The following MRPS9 variants were observed in gnomAD, a reference collection of about 807,000 sequenced individuals.
The protein encoded by MRPS9 is mitochondrial ribosomal protein S9.
MRPS9 carries 45 observed loss-of-function variants against 59.9 expected under a neutral mutation model. That is an observed-to-expected ratio of 0.75 (90% CI 0.59 to 0.96). MRPS9 has a LOEUF of 0.96. Ranked by LOEUF, MRPS9 falls within the 40% of genes least tolerant of loss-of-function variation. MRPS9 has a pLI of 0.00. For synonymous variants in MRPS9, 171 were observed against 166.8 expected (o/e 1.03, Z -0.19); for missense variants, 473 against 481.1 (o/e 0.98, Z 0.16).
At chr2:105,048,430 C>A (rs1679638345) in intron 1 of MRPS9, among the ~76,000 whole-genome samples, 1 of 151,608 alleles carries the variant, frequency 6.6e-6, no homozygotes, top group Admixed American at 6.6e-5. Flanking sequence ...TGCAGCACAC[C>A]AGCATGGCAC....
intron 2 of MRPS9, among the ~76,000 whole-genome samples, chr2:105,070,912 A>G (rs548785787): frequency 2.0e-4 from 31 of 152,360 alleles, no homozygotes; most frequent in African/African-American, 7.2e-4. Flanking sequence ...CAGGGGTGTC[A>G]TGATGGGTGA....
intron 2 of MRPS9, among the ~76,000 whole-genome samples, chr2:105,060,177 TG>T (rs1679871555): frequency 6.6e-6 from 1 of 152,200 alleles, no homozygotes; most frequent in African/African-American, 2.4e-5. Flanking sequence ...CAACCATTTT[TG>T]TTACTTATTC....
At chr2:105,041,092 T>C (rs1235430708) in intron 1 of MRPS9, among the ~76,000 whole-genome samples, 4 of 152,198 alleles carry the variant, frequency 2.6e-5, no homozygotes, top group Non-Finnish European at 5.9e-5. Context: ...TGATCTGTTT[T>C]GCTATGCTAA....
intron 1 of MRPS9, 132 bp downstream of exon 1, chr2:105,038,359 C>A: frequency 1.6e-6 from 2 of 1,250,810 alleles, no homozygotes; most frequent in Non-Finnish European, 2.2e-6. Flanking sequence ...TAGTGGAGGT[C>A]TGAGGTTGGG....
chr2:105,054,529 G>T (rs1253389341), intron 2 of MRPS9, among the ~76,000 whole-genome samples: 1 of 152,234 alleles, frequency 6.6e-6, no homozygotes, highest in Non-Finnish European at 1.5e-5. Context: ...TTTGCTGCAA[G>T]TGATTGATCG....
intron 2 of MRPS9, among the ~76,000 whole-genome samples, chr2:105,067,968 C>G (rs966238017): frequency 6.6e-6 from 1 of 152,204 alleles, no homozygotes; most frequent in Non-Finnish European, 1.5e-5. Flanking sequence ...GCTGGGACTA[C>G]AGTCATGTGC....
chr2:105,048,422 C>T (rs527861574), intron 1 of MRPS9, among the ~76,000 whole-genome samples: 2 of 151,906 alleles, frequency 1.3e-5, no homozygotes, highest in East Asian at 3.9e-4. Context: ...TTAATGGGTG[C>T]AGCACACCAG....
intron 1 of MRPS9, among the ~76,000 whole-genome samples, chr2:105,047,384 T>C (rs1316168815): frequency 6.6e-6 from 1 of 151,936 alleles, no homozygotes; most frequent in Non-Finnish European, 1.5e-5. Context: ...ATTAATTGGG[T>C]ATTGTTACAT....
At chr2:105,056,912 G>A (rs1422085308) in intron 2 of MRPS9, among the ~76,000 whole-genome samples, 1 of 152,072 alleles carries the variant, frequency 6.6e-6, no homozygotes, top group African/African-American at 2.4e-5. Context: ...TTATCACTTA[G>A]AAGATTTATC....
intron 1 of MRPS9, among the ~76,000 whole-genome samples, chr2:105,039,137 A>G (rs1316189251): frequency 3.3e-5 from 5 of 152,190 alleles, no homozygotes; most frequent in African/African-American, 1.2e-4. Context: ...GTGTGGTGTC[A>G]TGGAAAACAG....
rs531924771 is a variant in MRPS9, at chr2:105,092,700, T to C, written c.820+131T>C. On this transcript the variant is annotated intron_variant, in intron 8 of 10. Coordinates refer to ENST00000258455, the MANE Select transcript of MRPS9 (RefSeq NM_182640.3). Reference sequence around the variant, plus strand: ...TATTTTTGCTACCGTTACTTTGGATTTCCTAATTTTTAAGATTCTGTTGAA... The same window carrying C: ...TATTTTTGCTACCGTTACTTTGGATCTCCTAATTTTTAAGATTCTGTTGAA... 19 of 866,414 alleles carry C rather than the reference T, an allele frequency of 2.2e-5. No homozygotes were observed. The East Asian group carries it at 4.1e-4, about 19-fold the overall frequency. The allele number at this position is 866,414 out of a possible 1,614,324, so 53.7% of individuals were successfully genotyped here.
In MRPS9 at chr2:105,089,972, G is replaced by C. The variant is rs780387128; in HGVS notation, c.628G>C (p.Val210Leu). Reference protein sequence around the residue: ...LIKEELEEMLVEKLSDLDYMQ... With the variant: ...LIKEELEEMLLEKLSDLDYMQ... ...TAAGGAGGAACTAGAAGAAATGTTA[G>C]TGGAAAAACTGTCAGATCTAGATGT... Residue 210 changes from valine to leucine, a missense_variant, in exon 7 of 11, where the codon GTG (valine) becomes CTG (leucine). By Grantham distance (32) the Val-to-Leu change is conservative (BLOSUM62 1). Coordinates refer to ENST00000258455, the MANE Select transcript of MRPS9 (RefSeq NM_182640.3). The C allele has an allele frequency of 3.1e-6, 5 of 1,608,750 alleles. No homozygotes were observed. The Admixed American group carries it at 8.4e-5, about 27-fold the overall frequency.
At chr2:105,091,404 G>A (rs867459333) in intron 7 of MRPS9, 2 of 471,042 alleles carry the variant, frequency 4.2e-6, no homozygotes, top group Non-Finnish European at 8.8e-6. Flanking sequence ...CTGGAGAGGA[G>A]CATGGAGCTC....
At position 105,080,017 on chromosome 2, in the gene MRPS9, C is replaced by G. The variant is rs778372187; in HGVS notation, c.444C>G (p.His148Gln). ...GGGGAGAAGATGGCCGTCCATTTCA[C>G]TATCTCTTCTATACTGGCAAACAGT... ...IQWGEDGRPF[H>Q]YLFYTGKQSY... The change falls in exon 5 of 11, where the codon CAC becomes CAG. Residue 148 changes from histidine (H) to glutamine (Q), a missense_variant. Physicochemically the swap from His to Gln is conservative, Grantham distance 24 (BLOSUM62 0). Coordinates refer to ENST00000258455, the MANE Select transcript of MRPS9 (RefSeq NM_182640.3). The G allele has an allele frequency of 2.5e-6, 4 of 1,611,686 alleles. No individual in the cohort carries two copies. Among genetic ancestry groups the G allele is most frequent in the South Asian group, 2.2e-5 (2 of 90,764 alleles).
chr2:105,044,631 C>T (rs1679562430), intron 1 of MRPS9, among the ~76,000 whole-genome samples: 3 of 151,972 alleles, frequency 2.0e-5, no homozygotes, highest in South Asian at 4.2e-4. Flanking sequence ...ATGTTTAAAC[C>T]TCAATTATGT....
chr2:105,051,792 C>T (rs963195114), intron 2 of MRPS9, among the ~76,000 whole-genome samples: 5 of 146,684 alleles, frequency 3.4e-5, no homozygotes, highest in Non-Finnish European at 6.1e-5. Flanking sequence ...AATGTCTTAA[C>T]TTCTATTGTA....
At chr2:105,097,073 T>C (rs1680676533) in intron 9 of MRPS9, 82 bp from the exon 10 acceptor site, 1 of 1,321,166 alleles carries the variant, frequency 7.6e-7, no homozygotes, top group Non-Finnish European at 9.9e-7. Flanking sequence ...ATTGTTTTTA[T>C]GAATATTCAG....
chr2:105,043,258 AG>A (rs1334190705), intron 1 of MRPS9, among the ~76,000 whole-genome samples: 1 of 152,260 alleles, frequency 6.6e-6, no homozygotes, highest in Non-Finnish European at 1.5e-5. Flanking sequence ...AATTTATAAC[AG>A]ATTATAGAAT....
Position 105,097,150 on chromosome 2 carries a change from T to C in MRPS9, c.930-5T>C. 6.4e-7 allele frequency: 1 copy of C among 1,551,706 alleles called. No individual in the cohort carries two copies. Among genetic ancestry groups the C allele is most frequent in the Non-Finnish European group, 8.7e-7 (1 of 1,149,200 alleles). ...GTAACCACATTTACTTGTGCTGTGCTTTAGAGAACAGCTGATGTTCCCTTT... is the reference window on the plus strand; with the variant it reads ...GTAACCACATTTACTTGTGCTGTGCCTTAGAGAACAGCTGATGTTCCCTTT... On this transcript the variant is annotated splice_region_variant and splice_polypyrimidine_tract_variant and intron_variant, in intron 9 of 10. Coordinates refer to ENST00000258455, the MANE Select transcript of MRPS9 (RefSeq NM_182640.3).
Sources: allele counts gnomAD v4.1 joint callset (sites outside exome capture counted in the v4.1 genomes callset), GRCh38; gene constraint gnomAD v4.1.1; transcripts MANE v1.5; gene names NCBI Gene and HGNC (gene_info 2026-07-23, HGNC 2026-07-21).